The following HYCC1 variants were observed in gnomAD, a reference collection of about 807,000 sequenced individuals.
HYCC1 encodes hyccin.
At chr7:22,953,700 A>T in the HYCC1 span, among the ~76,000 whole-genome samples, 1 of 151,714 alleles carries the variant, frequency 6.6e-6, no homozygotes, top group African/African-American at 2.4e-5. Flanking sequence ...TTTGTCCTCC[A>T]TGGAAGTTCC....
At chr7:23,005,305 T>C in the HYCC1 span, among the ~76,000 whole-genome samples, 3 of 152,222 alleles carry the variant, frequency 2.0e-5, no homozygotes, top group African/African-American at 2.4e-5. Context: ...CTGTGAATGA[T>C]AGATAATAAC....
At chr7:22,920,585 T>C in the HYCC1 span, among the ~76,000 whole-genome samples, 5 of 152,088 alleles carry the variant, frequency 3.3e-5, no homozygotes, top group Admixed American at 2.0e-4. Flanking sequence ...AAAAAAATCA[T>C]TGCTCGCAGA....
the HYCC1 span, among the ~76,000 whole-genome samples, chr7:22,918,869 A>G: frequency 6.6e-6 from 1 of 152,312 alleles, no homozygotes; most frequent in East Asian, 1.9e-4. Context: ...AGGTGATTAA[A>G]AAGCTTTATT....
the HYCC1 span, among the ~76,000 whole-genome samples, chr7:22,903,973 T>C: frequency 1.3e-5 from 2 of 152,230 alleles, no homozygotes; most frequent in Non-Finnish European, 2.9e-5. Context: ...CTATATTCCC[T>C]AACAAATTTT....
At chr7:22,949,549 C>T in the HYCC1 span, among the ~76,000 whole-genome samples, 7 of 151,806 alleles carry the variant, frequency 4.6e-5, no homozygotes, top group Non-Finnish European at 1.0e-4. Context: ...GGAAGAAATC[C>T]TAGGAAAGTA....
At chr7:22,951,967 T>C in the HYCC1 span, among the ~76,000 whole-genome samples, 2 of 152,156 alleles carry the variant, frequency 1.3e-5, no homozygotes, top group South Asian at 4.1e-4. Context: ...TATCATGTTG[T>C]TATACTGTTC....
the HYCC1 span, chr7:22,947,325 A>C: frequency 8.2e-7 from 1 of 1,217,590 alleles, no homozygotes; most frequent in Non-Finnish European, 1.1e-6. Flanking sequence ...AAAAGACTCA[A>C]AACAAAAATT....
At chr7:22,994,335 T>C in the HYCC1 span, among the ~76,000 whole-genome samples, 30 of 152,324 alleles carry the variant, frequency 2.0e-4, no homozygotes, top group African/African-American at 7.2e-4. Flanking sequence ...ACATACTATA[T>C]AATTACATTT....
the HYCC1 span, among the ~76,000 whole-genome samples, chr7:22,968,788 C>A: frequency 1.3e-4 from 20 of 152,202 alleles, no homozygotes; most frequent in South Asian, 3.9e-3. Context: ...GGTTTCAAGA[C>A]CAGCCTGGCC....
At chr7:22,902,294 T>C in the HYCC1 span, among the ~76,000 whole-genome samples, 1 of 152,018 alleles carries the variant, frequency 6.6e-6, no homozygotes, top group Non-Finnish European at 1.5e-5. Flanking sequence ...GGGAGAAATG[T>C]ATAGTTTTAA....
the HYCC1 span, among the ~76,000 whole-genome samples, chr7:22,962,566 C>T: frequency 6.9e-6 from 1 of 145,228 alleles, no homozygotes; most frequent in Non-Finnish European, 1.5e-5. Context: ...ACCAATTCGG[C>T]TCTGAGGGTA....
chr7:22,950,995 A>G, the HYCC1 span, among the ~76,000 whole-genome samples: 1 of 151,880 alleles, frequency 6.6e-6, no homozygotes, highest in Non-Finnish European at 1.5e-5. Context: ...GTAACCCCCT[A>G]TATGCACAAA....
the HYCC1 span, among the ~76,000 whole-genome samples, chr7:22,999,685 C>T: frequency 6.6e-6 from 1 of 152,098 alleles, no homozygotes; most frequent in Non-Finnish European, 1.5e-5. Context: ...AAAGTCAATA[C>T]TAGTATATGT....
chr7:22,948,226 T>C, the HYCC1 span, among the ~76,000 whole-genome samples: 2 of 152,188 alleles, frequency 1.3e-5, no homozygotes, highest in South Asian at 2.1e-4. Flanking sequence ...AAACAGCATA[T>C]ACTTTTTAAA....
chr7:22,956,310 T>C, the HYCC1 span, among the ~76,000 whole-genome samples: 1 of 151,844 alleles, frequency 6.6e-6, no homozygotes, highest in African/African-American at 2.4e-5. Context: ...ATTCTGAAAT[T>C]ATGTTCCTTA....
At chr7:22,958,393 T>C in the HYCC1 span, among the ~76,000 whole-genome samples, 37 of 152,152 alleles carry the variant, frequency 2.4e-4, no homozygotes, top group African/African-American at 7.2e-4. Context: ...GTTCCATGCA[T>C]GTGACTTACT....
At chr7:23,001,174 A>G in the HYCC1 span, among the ~76,000 whole-genome samples, 1 of 152,154 alleles carries the variant, frequency 6.6e-6, no homozygotes, top group Admixed American at 6.6e-5. Context: ...TTCCTCAAGC[A>G]CTTATGTTTC....
chr7:22,946,235 A>G, the HYCC1 span: 1 of 1,203,384 alleles, frequency 8.3e-7, no homozygotes, highest in African/African-American at 1.5e-5. Context: ...ATTAACACCA[A>G]ATCAGTTATG....
At chr7:23,012,416 A>G in the HYCC1 span, among the ~76,000 whole-genome samples, 2 of 152,218 alleles carry the variant, frequency 1.3e-5, no homozygotes. Flanking sequence ...AATGCCGATG[A>G]CTAAGAAGGT....
Sources: allele counts gnomAD v4.1 joint callset (sites outside exome capture counted in the v4.1 genomes callset), GRCh38; gene constraint gnomAD v4.1.1; transcripts MANE v1.5; gene names NCBI Gene and HGNC (gene_info 2026-07-23, HGNC 2026-07-21).